Variants in ITFG1 observed in about 807,000 individuals in gnomAD.
ITFG1 encodes the protein T-cell immunomodulatory protein.
In ITFG1, 34 loss-of-function variants were observed where a neutral mutation model predicts 81.8. That is an observed-to-expected ratio of 0.42 (90% confidence interval 0.32 to 0.55). The LOEUF (loss-of-function observed/expected upper bound fraction) is 0.55, where lower values mean the gene tolerates loss of function less well. Among genes scored for constraint, ITFG1 ranks in the 20% least tolerant of loss-of-function variants. The pLI, the probability that ITFG1 is intolerant of heterozygous loss-of-function variation, is 0.17. For synonymous variants in ITFG1, 285 were observed against 270.6 expected, an observed-to-expected ratio of 1.05 and a Z score of -0.52; for missense variants, 672 against 755.4, an observed-to-expected ratio of 0.89 and a Z score of 1.29.
At chr16:47,396,252 G>C (rs1306107964) in intron 6 of ITFG1, 1 of 742,180 alleles carries the variant, frequency 1.3e-6, no homozygotes, top group East Asian at 1.3e-4. Context: ...ACAGCTGTTA[G>C]CTGTTGCTAA....
At chr16:47,254,801 T>C (rs998236229) in intron 12 of ITFG1, among the ~76,000 whole-genome samples, 2 of 152,228 alleles carry the variant, frequency 1.3e-5, no homozygotes, top group African/African-American at 2.4e-5. Context: ...CACAGGCACA[T>C]ACCACATTCA....
At chr16:47,190,840 A>G (rs141294811) in intron 14 of ITFG1, among the ~76,000 whole-genome samples, 1 of 152,284 alleles carries the variant, frequency 6.6e-6, no homozygotes, top group East Asian at 1.9e-4. Context: ...GGTTTTGACT[A>G]AGTTATTCAT....
chr16:47,373,128 T>A (rs1327877906), intron 7 of ITFG1, among the ~76,000 whole-genome samples: 2 of 152,180 alleles, frequency 1.3e-5, no homozygotes, highest in African/African-American at 2.4e-5. Context: ...TACATTTCAA[T>A]ATCTCTTTCA....
At chr16:47,226,397 G>T (rs907764013) in intron 13 of ITFG1, among the ~76,000 whole-genome samples, 1 of 152,134 alleles carries the variant, frequency 6.6e-6, no homozygotes, top group Non-Finnish European at 1.5e-5. Context: ...TTTATATTAA[G>T]TTTTAGGGTA....
At chr16:47,339,788 A>T (rs1236533717) in intron 8 of ITFG1, among the ~76,000 whole-genome samples, 1 of 152,166 alleles carries the variant, frequency 6.6e-6, no homozygotes, top group Non-Finnish European at 1.5e-5. Context: ...AAGAGAACAA[A>T]GAGAACACTT....
intron 10 of ITFG1, among the ~76,000 whole-genome samples, chr16:47,304,369 T>A (rs1967125370): frequency 6.6e-6 from 1 of 152,142 alleles, no homozygotes; most frequent in African/African-American, 2.4e-5. Flanking sequence ...CATAGACAGG[T>A]CAAGTAAGTG....
intron 13 of ITFG1, among the ~76,000 whole-genome samples, chr16:47,221,262 A>G (rs969009087): frequency 1.3e-5 from 2 of 152,178 alleles, no homozygotes; most frequent in Non-Finnish European, 2.9e-5. Flanking sequence ...CGTCCCATCA[A>G]TACCTAATTT....
intron 10 of ITFG1, chr16:47,299,998 GCA>G (rs1283426073): frequency 1.3e-5 from 2 of 152,368 alleles, no homozygotes; most frequent in African/African-American, 4.8e-5. Flanking sequence ...TTCAGAAAGG[GCA>G]TGGGATGTTC....
chr16:47,460,260 G>A (rs1030340041), intron 1 of ITFG1, among the ~76,000 whole-genome samples: 5 of 152,196 alleles, frequency 3.3e-5, no homozygotes, highest in African/African-American at 7.2e-5. Context: ...CCTGCAAAAT[G>A]CTTGTGTGAG....
At chr16:47,260,836 T>C in intron 10 of ITFG1, 141 bp from the exon 11 acceptor site, 2 of 919,192 alleles carry the variant, frequency 2.2e-6, no homozygotes, top group Non-Finnish European at 3.2e-6. Context: ...TTTTTGTTTA[T>C]AGTACTGTCA....
chr16:47,327,107 G>A (rs1967559265), intron 8 of ITFG1, among the ~76,000 whole-genome samples: 1 of 152,066 alleles, frequency 6.6e-6, no homozygotes, highest in Middle Eastern at 3.2e-3. Context: ...AAACAGCATG[G>A]CACTGGTACC....
At chr16:47,236,041 C>T (rs1370242249) in intron 13 of ITFG1, among the ~76,000 whole-genome samples, 4 of 152,054 alleles carry the variant, frequency 2.6e-5, no homozygotes, top group Non-Finnish European at 4.4e-5. Flanking sequence ...AGGTGCTGGG[C>T]GGTAATGGTA....
At chr16:47,408,426 C>T (rs1159976156) in intron 6 of ITFG1, among the ~76,000 whole-genome samples, 3 of 152,086 alleles carry the variant, frequency 2.0e-5, no homozygotes, top group Non-Finnish European at 4.4e-5. Context: ...ATATGCTTGG[C>T]TTGACCAATA....
intron 14 of ITFG1, among the ~76,000 whole-genome samples, chr16:47,204,761 G>C (rs1965471493): frequency 6.6e-6 from 1 of 152,172 alleles, no homozygotes; most frequent in South Asian, 2.1e-4. Flanking sequence ...AAATACTCAA[G>C]TGCCCCAGTC....
intron 8 of ITFG1, among the ~76,000 whole-genome samples, chr16:47,343,918 C>T (rs1406241637): frequency 6.6e-6 from 1 of 152,066 alleles, no homozygotes; most frequent in Non-Finnish European, 1.5e-5. Flanking sequence ...AAAAACAACT[C>T]GTGAGTTCAT....
chr16:47,239,793 G>C (rs912094885), intron 12 of ITFG1, among the ~76,000 whole-genome samples: 2 of 152,026 alleles, frequency 1.3e-5, no homozygotes, highest in Non-Finnish European at 2.9e-5. Context: ...CTAAAGTTTA[G>C]GTAGATATTG....
chr16:47,349,257 C>T (rs11157644), intron 8 of ITFG1, among the ~76,000 whole-genome samples: 62 of 152,238 alleles, frequency 4.1e-4, no homozygotes, highest in African/African-American at 1.4e-3. Flanking sequence ...TTAAAAGGCA[C>T]GGACTGGCAA....
chr16:47,325,796 G>C (rs1356360525), intron 8 of ITFG1, among the ~76,000 whole-genome samples: 3 of 152,126 alleles, frequency 2.0e-5, no homozygotes, highest in African/African-American at 7.2e-5. Flanking sequence ...TCTCTGAATA[G>C]ACCAATAACA....
At chr16:47,354,959 G>T (rs1414845588) in intron 8 of ITFG1, among the ~76,000 whole-genome samples, 1 of 152,106 alleles carries the variant, frequency 6.6e-6, no homozygotes, top group Non-Finnish European at 1.5e-5. Flanking sequence ...AATTAGTACA[G>T]CCATTATGTA....
Sources: gnomAD v4.1 joint callset for allele counts (sites outside exome capture counted in the v4.1 genomes callset) on GRCh38, gnomAD v4.1.1 for gene constraint, MANE v1.5 for transcripts, NCBI Gene and HGNC (gene_info 2026-07-23, HGNC 2026-07-21) for gene names.